Variants in CNTN3 observed in about 807,000 individuals in gnomAD.
CNTN3 encodes contactin 3.
In CNTN3, 60 loss-of-function variants were observed where a neutral mutation model predicts 119.1. That is an observed-to-expected ratio of 0.50 (90% confidence interval 0.41 to 0.62). The LOEUF (loss-of-function observed/expected upper bound fraction) is 0.62. Among genes scored for constraint, CNTN3 ranks in the 20% least tolerant of loss-of-function variants. The pLI is 0.00. For missense variants in CNTN3, 1,101 were observed against 1,242.4 expected (o/e 0.89, Z 1.71); for synonymous variants, 450 against 438.7 (o/e 1.03, Z -0.32).
At chr3:74,270,497 T>C (rs761532211) in intron 20 of CNTN3, among the ~76,000 whole-genome samples, 2 of 152,140 alleles carry the variant, frequency 1.3e-5, no homozygotes, top group African/African-American at 4.8e-5. Context: ...AAAAAAAGTA[T>C]AGTTTTAGGC....
intron 5 of CNTN3, among the ~76,000 whole-genome samples, chr3:74,408,088 A>G (rs1330571752): frequency 6.6e-6 from 1 of 152,174 alleles, no homozygotes; most frequent in African/African-American, 2.4e-5. Flanking sequence ...TAGCTCAGGG[A>G]AGGTAGGACC....
intron 1 of CNTN3, among the ~76,000 whole-genome samples, chr3:74,579,021 T>G (rs1157120875): frequency 1.3e-5 from 2 of 151,804 alleles, no homozygotes; most frequent in African/African-American, 4.8e-5. Context: ...AGAAATATAC[T>G]TTAAATATGG....
rs1331337668 is a variant in CNTN3, at chr3:74,265,792, A to C, written c.2986+689T>G. ...AAGTCATGTCACTAAGAACTATAGA[A>C]TAGCATATGAAGTCAAAATGGACTC... On this transcript the variant is annotated intron_variant, in intron 22 of 22. Transcript: ENST00000263665. Among the ~76,000 whole-genome samples the C allele has an allele frequency of 2.6e-5, 4 of 152,306 alleles. No homozygotes were observed. In the East Asian group the frequency reaches 7.7e-4, roughly 29 times the overall value.
chr3:74,447,969 T>G (rs1386910226), intron 4 of CNTN3, among the ~76,000 whole-genome samples: 1 of 152,178 alleles, frequency 6.6e-6, no homozygotes, highest in African/African-American at 2.4e-5. Flanking sequence ...TAAAATTGGA[T>G]GATCCATGTA....
chr3:74,270,879 C>A (rs555922387), intron 20 of CNTN3, among the ~76,000 whole-genome samples: 2 of 152,232 alleles, frequency 1.3e-5, no homozygotes, highest in East Asian at 3.9e-4. Context: ...TTAGAAAAAA[C>A]TGGTAAAAAA....
intron 1 of CNTN3, among the ~76,000 whole-genome samples, chr3:74,606,530 A>G (rs1485009220): frequency 6.6e-6 from 1 of 152,004 alleles, no homozygotes; most frequent in Admixed American, 6.6e-5. Context: ...AAAGTAGGGT[A>G]GGAAGAAGAA....
chr3:74,578,028 A>G (rs113371646), intron 1 of CNTN3, among the ~76,000 whole-genome samples: 1 of 152,042 alleles, frequency 6.6e-6, no homozygotes, highest in East Asian at 1.9e-4. Flanking sequence ...ACCCCTGCCA[A>G]TTTGCAAATT....
chr3:74,301,608 T>C, intron 15 of CNTN3, 39 bp downstream of exon 15: 1 of 1,612,976 alleles, frequency 6.2e-7, no homozygotes, highest in Non-Finnish European at 8.5e-7. Context: ...TGAAATCCAT[T>C]TATATGTGTG....
At chr3:74,497,185 T>C (rs1703080821) in intron 3 of CNTN3, among the ~76,000 whole-genome samples, 1 of 151,986 alleles carries the variant, frequency 6.6e-6, no homozygotes, top group Non-Finnish European at 1.5e-5. Flanking sequence ...TTTTATGTCC[T>C]CGATGTCATT....
At chr3:74,417,319 G>A (rs561092843) in intron 5 of CNTN3, among the ~76,000 whole-genome samples, 3 of 152,048 alleles carry the variant, frequency 2.0e-5, no homozygotes, top group Non-Finnish European at 4.4e-5. Context: ...GAGTGGTTTC[G>A]GGCAGTATTC....
At chr3:74,502,765 G>T in intron 2 of CNTN3, among the ~76,000 whole-genome samples, 1 of 152,040 alleles carries the variant, frequency 6.6e-6, no homozygotes, top group East Asian at 1.9e-4. Context: ...GTGACCATCC[G>T]CATTCTCCCT....
chr3:74,471,364 C>T (rs1702558525), intron 4 of CNTN3, among the ~76,000 whole-genome samples: 1 of 152,058 alleles, frequency 6.6e-6, no homozygotes, highest in Admixed American at 6.6e-5. Flanking sequence ...AAAAATACTC[C>T]ACATTCCCCA....
chr3:74,294,198 G>A (rs576369797), intron 19 of CNTN3, among the ~76,000 whole-genome samples: 4 of 152,246 alleles, frequency 2.6e-5, no homozygotes, highest in African/African-American at 7.2e-5. Context: ...GCTGTGGGTA[G>A]GATGAAATCA....
intron 5 of CNTN3, among the ~76,000 whole-genome samples, chr3:74,419,515 C>T (rs959895269): frequency 1.3e-5 from 2 of 152,222 alleles, no homozygotes; most frequent in African/African-American, 2.4e-5. Context: ...ACCATAATGT[C>T]ACTTCAGCCT....
Position 74,298,111 on chromosome 3 carries a change from G to C in CNTN3, c.2247C>G (p.Ile749Met), listed in dbSNP as rs1702379198. Reference sequence around the variant, plus strand: ...TGTCAGGGGATGTCACCACTGTCTGGATCCAGGTGGTAACCCCAAGAGGGC... The same window carrying C: ...TGTCAGGGGATGTCACCACTGTCTGCATCCAGGTGGTAACCCCAAGAGGGC... ...AFRPLGVTTWIQTVVTSPDTP... is the reference protein window; with the variant it reads ...AFRPLGVTTWMQTVVTSPDTP... The change falls in exon 18 of 23, where the codon ATC becomes ATG. Residue 749 changes from isoleucine (I) to methionine (M), a missense_variant. Coordinates refer to ENST00000263665, the MANE Select transcript of CNTN3 (RefSeq NM_020872.3). The C allele has an allele frequency of 6.2e-7, 1 of 1,613,604 alleles. No individual in the cohort carries two copies. The highest frequency in any genetic ancestry group is 1.3e-5 in the African/African-American group (1 of 74,886).
intron 1 of CNTN3, among the ~76,000 whole-genome samples, chr3:74,596,141 A>G (rs1437720698): frequency 6.6e-6 from 1 of 152,158 alleles, no homozygotes; most frequent in South Asian, 2.1e-4. Flanking sequence ...GACGTGAAGG[A>G]CCTCTTCAAG....
chr3:74,372,147 G>T (rs1704356404), intron 5 of CNTN3, among the ~76,000 whole-genome samples: 1 of 151,974 alleles, frequency 6.6e-6, no homozygotes, highest in African/African-American at 2.4e-5. Context: ...CTGCTTACTT[G>T]TCTGTCCTCC....
intron 13 of CNTN3, among the ~76,000 whole-genome samples, chr3:74,306,074 T>C (rs886158187): frequency 1.4e-4 from 22 of 151,776 alleles, no homozygotes; most frequent in African/African-American, 4.6e-4. Flanking sequence ...CCCAGGCATT[T>C]AAGAAAAAAA....
chr3:74,548,237 T>C (rs2107156277), intron 1 of CNTN3, among the ~76,000 whole-genome samples: 1 of 152,324 alleles, frequency 6.6e-6, no homozygotes, highest in East Asian at 1.9e-4. Flanking sequence ...ACATGATGTC[T>C]CTCTAAATAA....
Sources: gnomAD v4.1 joint callset for allele counts (sites outside exome capture counted in the v4.1 genomes callset) on GRCh38, gnomAD v4.1.1 for gene constraint, MANE v1.5 for transcripts, NCBI Gene and HGNC (gene_info 2026-07-23, HGNC 2026-07-21) for gene names.